The following ANXA8 variants were observed in gnomAD, a reference collection of about 807,000 sequenced individuals.
ANXA8 encodes annexin A8.
ANXA8 carries 9 observed loss-of-function variants against 26.8 expected under a neutral mutation model. That is an observed-to-expected ratio of 0.34 (90% CI 0.20 to 0.59). ANXA8 has a LOEUF of 0.59. Ranked by LOEUF, ANXA8 falls within the 20% of genes least tolerant of loss-of-function variation. ANXA8 has a pLI of 0.84. For missense variants in ANXA8, 83 were observed against 238.5 expected (o/e 0.35, Z 4.29); for synonymous variants, 39 against 94.8 (o/e 0.41, Z 3.42).
At chr10:47,755,555 CTTTTTTTTTT>C in the ANXA8 span, among the ~76,000 whole-genome samples, 141 of 82,762 alleles carry the variant, frequency 1.7e-3, no homozygotes, top group East Asian at 0.018. Context: ...GTGCCCGGCC[CTTTTTTTTTT>C]TTTTTTTTTT....
chr10:47,684,339 T>C, the ANXA8 span, among the ~76,000 whole-genome samples: 1 of 151,800 alleles, frequency 6.6e-6, no homozygotes, highest in Non-Finnish European at 1.5e-5. Context: ...GAGTATTTAG[T>C]AGCAGTAGCC....
the ANXA8 span, chr10:47,510,168 C>T: frequency 4.1e-5 from 52 of 1,274,468 alleles, 4 homozygotes; most frequent in Non-Finnish European, 5.4e-5. Flanking sequence ...TAGTTGTACT[C>T]ACGATATTAT....
chr10:47,490,136 G>A, the ANXA8 span, among the ~76,000 whole-genome samples: 2 of 151,240 alleles, frequency 1.3e-5, no homozygotes, highest in South Asian at 2.1e-4. Context: ...GGTTTCCAAA[G>A]CCTCATCCAC....
At chr10:47,502,264 C>A in the ANXA8 span, 2 of 1,597,624 alleles carry the variant, frequency 1.3e-6, no homozygotes. Context: ...GCAGCCGTCT[C>A]CCTCCCCACA....
the ANXA8 span, among the ~76,000 whole-genome samples, chr10:47,525,651 A>C: frequency 0.098 from 13,392 of 136,810 alleles, 3,117 homozygotes; most frequent in African/African-American, 0.35. Context: ...TATTATTATT[A>C]TTATTATTTT....
the ANXA8 span, among the ~76,000 whole-genome samples, chr10:47,676,630 A>T: frequency 2.6e-5 from 4 of 151,830 alleles, no homozygotes; most frequent in East Asian, 1.9e-4. Flanking sequence ...ATCTCTATTT[A>T]AAAAAGAAAA....
At chr10:47,592,441 C>A in the ANXA8 span, among the ~76,000 whole-genome samples, 2 of 147,520 alleles carry the variant, frequency 1.4e-5, no homozygotes, top group Non-Finnish European at 3.0e-5. Flanking sequence ...CCAAGATAGG[C>A]CCCATCACCA....
chr10:47,717,934 G>A, the ANXA8 span, among the ~76,000 whole-genome samples: 6 of 150,546 alleles, frequency 4.0e-5, no homozygotes, highest in South Asian at 1.3e-3. Flanking sequence ...GGAGGCAGAG[G>A]TTGCAGTGAG....
chr10:47,692,745 T>TG, the ANXA8 span: 3 of 147,348 alleles, frequency 2.0e-5, no homozygotes, highest in Non-Finnish European at 4.5e-5. Flanking sequence ...TTTAATTTTT[T>TG]TTTTTTTTTG....
the ANXA8 span, among the ~76,000 whole-genome samples, chr10:47,656,025 A>G: frequency 1.3e-5 from 2 of 151,910 alleles, no homozygotes; most frequent in Non-Finnish European, 2.9e-5. Context: ...AGTCTCAAAC[A>G]AAAAAGAACT....
At chr10:47,709,457 T>TA in the ANXA8 span, among the ~76,000 whole-genome samples, 1 of 150,802 alleles carries the variant, frequency 6.6e-6, no homozygotes. Context: ...CCTGTACATT[T>TA]AAAATATATG....
At chr10:47,699,360 A>AG in the ANXA8 span, among the ~76,000 whole-genome samples, 1 of 148,038 alleles carries the variant, frequency 6.8e-6, no homozygotes, top group Non-Finnish European at 1.5e-5. Context: ...AAAAAAAAAA[A>AG]AAAAAAAGAA....
the ANXA8 span, chr10:47,565,845 A>G: frequency 1.6e-6 from 2 of 1,280,300 alleles, no homozygotes; most frequent in Non-Finnish European, 1.0e-6. Flanking sequence ...TGAGCCCGGG[A>G]CGCGCGGACC....
chr10:47,485,298 C>T (rs1840014867), upstream of ANXA8, among the ~76,000 whole-genome samples: 1 of 151,932 alleles, frequency 6.6e-6, no homozygotes, highest in Non-Finnish European at 1.5e-5. Flanking sequence ...CCTGTGCATA[C>T]CTGGAGAATA....
At chr10:47,493,702 C>T in the ANXA8 span, among the ~76,000 whole-genome samples, 2 of 150,952 alleles carry the variant, frequency 1.3e-5, no homozygotes, top group African/African-American at 4.9e-5. Context: ...CAGAGCCAGG[C>T]CCACCATGGC....
the ANXA8 span, among the ~76,000 whole-genome samples, chr10:47,899,074 G>A: frequency 6.6e-6 from 1 of 151,688 alleles, no homozygotes; most frequent in Non-Finnish European, 1.5e-5. Context: ...CTGACCTCAG[G>A]TGATCCGCCC....
At chr10:47,474,219 G>A (rs2132399082) in intron 8 of ANXA8, 86 bp downstream of exon 8, 1 of 1,480,270 alleles carries the variant, frequency 6.8e-7, no homozygotes. Context: ...CCTAACTCTA[G>A]ACTTGACAAG....
At chr10:47,645,420 CT>C in the ANXA8 span, among the ~76,000 whole-genome samples, 26 of 147,792 alleles carry the variant, frequency 1.8e-4, no homozygotes, top group Non-Finnish European at 3.1e-4. Flanking sequence ...AAAAACTTTC[CT>C]TTTTCTCACC....
At chr10:47,557,780 A>T in the ANXA8 span, among the ~76,000 whole-genome samples, 1 of 149,418 alleles carries the variant, frequency 6.7e-6, no homozygotes, top group Non-Finnish European at 1.5e-5. Context: ...TTAATTATAA[A>T]AAAAAAACAG....
Sources: allele counts gnomAD v4.1 joint callset (sites outside exome capture counted in the v4.1 genomes callset), GRCh38; gene constraint gnomAD v4.1.1; transcripts MANE v1.5; gene names NCBI Gene and HGNC (gene_info 2026-07-23, HGNC 2026-07-21).